Variants in PARP1 observed in about 807,000 individuals in gnomAD.
The protein encoded by PARP1 is poly [ADP-ribose] polymerase 1.
Under a neutral mutation model 118.7 loss-of-function variants are expected in PARP1, and 44 were observed. That is an observed-to-expected ratio of 0.37 (90% CI 0.29 to 0.48). The LOEUF (loss-of-function observed/expected upper bound fraction) is 0.48. Ranked by LOEUF, PARP1 falls within the 20% of genes least tolerant of loss-of-function variation. PARP1 has a pLI of 0.99. For synonymous variants in PARP1, 492 were observed against 483.2 expected (o/e 1.02, Z -0.24); for missense variants, 1,100 against 1,272.4 (o/e 0.86, Z 2.06).
intron 3 of PARP1, 130 bp from the exon 4 acceptor site, chr1:226,390,754 C>G (rs530088984): frequency 1.3e-6 from 1 of 797,014 alleles, no homozygotes; most frequent in South Asian, 1.5e-5. Context: ...AACTTGAAGA[C>G]TCATGAGCTT....
Position 226,408,013 on chromosome 1 carries a change from C to T in PARP1, c.-84G>A. On this transcript the variant is annotated 5_prime_UTR_variant, in exon 1 of 23. Coordinates refer to ENST00000366794, the MANE Select transcript of PARP1 (RefSeq NM_001618.4). ...GCCGCCTCGCCGCCTCGCGTGCGCT[C>T]ACCCAGCCGCAGGCGCCTGAGCGGC... 1.3e-6 allele frequency: 2 copies of T among 1,583,494 alleles called. No individual in the cohort carries two copies. The highest frequency in any genetic ancestry group is 1.7e-6 in the Non-Finnish European group (2 of 1,166,116).
At chr1:226,392,122 C>A in intron 3 of PARP1, 77 bp downstream of exon 3, 1 of 1,008,868 alleles carries the variant, frequency 9.9e-7, no homozygotes, top group Non-Finnish European at 1.6e-6. Flanking sequence ...CCCATTTCTT[C>A]TTTTCTCTTG....
At chr1:226,369,843 G>A (rs1051952756) in intron 15 of PARP1, among the ~76,000 whole-genome samples, 7 of 152,080 alleles carry the variant, frequency 4.6e-5, no homozygotes, top group Admixed American at 3.9e-4. Flanking sequence ...TGCAACCCCA[G>A]CTACTTGGGA....
intron 17 of PARP1, chr1:226,367,046 G>A: frequency 3.7e-6 from 1 of 272,290 alleles, no homozygotes; most frequent in East Asian, 9.4e-5. Flanking sequence ...CAAGCATTGT[G>A]TTTTTATTAC....
At position 226,402,373 on chromosome 1, in the gene PARP1, T is replaced by C. The variant is rs1220828656; in HGVS notation, c.127A>G (p.Met43Val). The change falls in exon 2 of 23, where the codon ATG becomes GTG. Residue 43 changes from methionine (M) to valine (V), a missense_variant. This residue lies in a region of PARP1 where 948 missense variants were observed against 1,031.8 expected (regional missense o/e 0.92). Transcript: ENST00000366794. The stretch of plus-strand genomic sequence containing the variant: ...CAGTGTGGGACTTTTCCATCAAACA[T>C]GGGCGACTAGAAGGAAGAGAAACAG... The part of the protein sequence containing the change: ...LRMAIMVQSP[M>V]FDGKVPHWYH... The C allele has an allele frequency of 1.2e-6, 2 of 1,612,938 alleles. No homozygotes were observed. The highest frequency in any genetic ancestry group is 1.1e-5 in the South Asian group (1 of 91,068).
chr1:226,377,516 T>C (rs1374881995), intron 12 of PARP1, among the ~76,000 whole-genome samples: 2 of 152,206 alleles, frequency 1.3e-5, no homozygotes, highest in African/African-American at 4.8e-5. Flanking sequence ...CTACAAAAAA[T>C]GCCAAAGAAT....
In PARP1 at chr1:226,381,985, T is replaced by C. The variant is rs3219072; in HGVS notation, c.1160-777A>G. Among the ~76,000 whole-genome samples, 695 of 152,298 alleles carry C rather than the reference T, an allele frequency of 4.6e-3. 27 individuals are homozygous for C. In the South Asian group the frequency reaches 0.084, roughly 18 times the overall value. On this transcript the variant is annotated intron_variant, in intron 8 of 22. Coordinates refer to ENST00000366794, the MANE Select transcript of PARP1 (RefSeq NM_001618.4). ...GGAAAGCAGAGGAGGGAACCCTCCA[T>C]GGAGGGGTCAGAATGCCAGCCCCCA...
chr1:226,390,829 T>G (rs531177535), intron 3 of PARP1, among the ~76,000 whole-genome samples: 2 of 152,182 alleles, frequency 1.3e-5, no homozygotes, highest in South Asian at 4.2e-4. Context: ...GACTCAGGGT[T>G]CCTTAAATTC....
At position 226,383,052 on chromosome 1, in the gene PARP1, G is replaced by A. The variant is rs1379535271; in HGVS notation, c.1143C>T (p.Asn381=). ...PSTASAPAAV[N]SSASADKPLS... ...ATGCTGTACCTGCTGAAGCAGAGGA[G>A]TTCACAGCAGCAGGAGCCGAGGCTG... Residue 381 remains asparagine, a synonymous_variant, in exon 8 of 23, where the codon AAC becomes AAT. Transcript: ENST00000366794. 6.2e-7 allele frequency: 1 copy of A among 1,612,892 alleles called. No individual in the cohort carries two copies. The highest frequency in any genetic ancestry group is 1.3e-5 in the African/African-American group (1 of 75,030).
At chr1:226,384,354 G>A (rs1664678587) in intron 7 of PARP1, among the ~76,000 whole-genome samples, 1 of 152,264 alleles carries the variant, frequency 6.6e-6, no homozygotes, top group South Asian at 2.1e-4. Context: ...CTGAGGACAA[G>A]CTACAGAGCT....
At position 226,360,827 on chromosome 1, in the gene PARP1, A is replaced by G. The variant is rs984735650; in HGVS notation, c.*633T>C. ...TTTCAAATGCAACTTTTAATACTAC[A>G]TATTTCAAGAGCTCCCATGTTCAGT... On this transcript the variant is annotated 3_prime_UTR_variant, in exon 23 of 23. Coordinates refer to ENST00000366794, the MANE Select transcript of PARP1 (RefSeq NM_001618.4). 8.8e-6 allele frequency: 2 copies of G among 228,358 alleles called. No individual in the cohort carries two copies. Among genetic ancestry groups the G allele is most frequent in the African/African-American group, 4.4e-5 (2 of 45,072 alleles). 14.1% of individuals were successfully genotyped at this position (228,358 alleles called of 1,614,324 possible). A position where few individuals can be genotyped will look rare whatever the true frequency, so the allele number is the denominator to read the frequency against.
At chr1:226,392,916 C>A (rs748975544) in intron 2 of PARP1, 1 of 1,564,092 alleles carries the variant, frequency 6.4e-7, no homozygotes, top group Non-Finnish European at 8.6e-7. Flanking sequence ...ATGTTTCTTG[C>A]CTAAGATTAG....
At position 226,368,278 on chromosome 1, in the gene PARP1, G is replaced by A; in HGVS notation, c.2198C>T (p.Ser733Leu). Residue 733 changes from serine to leucine, a missense_variant, in exon 16 of 23, where the codon TCA (serine) becomes TTA (leucine). This residue lies in a region of PARP1 where 948 missense variants were observed against 1,031.8 expected (regional missense o/e 0.92). Transcript: ENST00000366794. Reference protein sequence around the residue: ...GSSDSQILDLSNRFYTLIPHD... With the variant: ...GSSDSQILDLLNRFYTLIPHD... ...GGGGATCAGGGTGTAAAAGCGATTT[G>A]AGAGATCCAGGATCTGAGAGTCGCT... 1 of 1,614,206 alleles carries A rather than the reference G, an allele frequency of 6.2e-7. No homozygotes were observed. Among genetic ancestry groups the A allele is most frequent in the Non-Finnish European group, 8.5e-7 (1 of 1,180,022 alleles).
rs1017297868 is a variant in PARP1 at position 226,385,379 on chromosome 1, C to A, written c.1011+125G>T. On this transcript the variant is annotated intron_variant, in intron 7 of 22. Coordinates refer to ENST00000366794, the MANE Select transcript of PARP1 (RefSeq NM_001618.4). ...TTTTATATTCTGGTAAACAGGATGACGCAGCTGTAAAGAAGTCTGAGGAAC... is the reference window on the plus strand; with the variant it reads ...TTTTATATTCTGGTAAACAGGATGAAGCAGCTGTAAAGAAGTCTGAGGAAC... 1.5e-5 allele frequency: 12 copies of A among 788,266 alleles called. No individual in the cohort carries two copies. The Admixed American group carries it at 2.4e-4, about 15-fold the overall frequency. 48.8% of individuals were successfully genotyped at this position (788,266 alleles called of 1,614,324 possible). A position where few individuals can be genotyped will look rare whatever the true frequency, so the allele number is the denominator to read the frequency against.
At chr1:226,401,812 G>C (rs1404442108) in intron 2 of PARP1, among the ~76,000 whole-genome samples, 1 of 152,132 alleles carries the variant, frequency 6.6e-6, no homozygotes, top group African/African-American at 2.4e-5. Flanking sequence ...TGGACTCTGG[G>C]CAATAATGAT....
intron 3 of PARP1, 36 bp downstream of exon 3, chr1:226,392,163 C>T: frequency 7.5e-7 from 1 of 1,328,248 alleles, no homozygotes; most frequent in African/African-American, 1.4e-5. Context: ...GCAAGCAATC[C>T]ATAAAGTTCA....
intron 15 of PARP1, among the ~76,000 whole-genome samples, chr1:226,369,437 T>C (rs1664335461): frequency 1.3e-5 from 2 of 152,230 alleles, no homozygotes; most frequent in African/African-American, 4.8e-5. Context: ...TGAAATAACA[T>C]GAATGAAAGA....
intron 2 of PARP1, among the ~76,000 whole-genome samples, chr1:226,393,980 T>C (rs1358975810): frequency 1.3e-5 from 2 of 152,058 alleles, no homozygotes; most frequent in African/African-American, 4.8e-5. Flanking sequence ...TAAAAGAAAA[T>C]GTCAAACTTG....
intron 11 of PARP1, 86 bp downstream of exon 11, chr1:226,379,487 G>A (rs1664562126): frequency 2.5e-6 from 3 of 1,189,094 alleles, no homozygotes; most frequent in Non-Finnish European, 3.8e-6. Context: ...CCCCAGGTAT[G>A]CTGCGGGCAT....
Sources: allele counts gnomAD v4.1 joint callset (sites outside exome capture counted in the v4.1 genomes callset), GRCh38; gene constraint gnomAD v4.1.1; regional missense constraint gnomAD v4.1.1; transcripts MANE v1.5; gene names NCBI Gene and HGNC (gene_info 2026-07-23, HGNC 2026-07-21).